The following PPP2R2B variants were observed in gnomAD, a reference collection of about 807,000 sequenced individuals.
PPP2R2B encodes protein phosphatase 2 regulatory subunit Bbeta.
In PPP2R2B, 5 loss-of-function variants were observed where a neutral mutation model predicts 46.0. That is an observed-to-expected ratio of 0.11 (90% CI 0.06 to 0.23). PPP2R2B has a LOEUF of 0.23. Ranked by LOEUF, PPP2R2B falls within the 10% of genes least tolerant of loss-of-function variation. The probability of loss-of-function intolerance (pLI) is 1.00; values close to 1 mark genes in which losing one functional copy is unlikely to be tolerated. For missense variants in PPP2R2B, 367 were observed against 575.0 expected (o/e 0.64, Z 3.70); for synonymous variants, 215 against 206.7 (o/e 1.04, Z -0.34).
chr5:146,697,793 C>T (rs1779268319), intron 4 of PPP2R2B, among the ~76,000 whole-genome samples, 186 bp downstream of exon 4: 1 of 152,134 alleles, frequency 6.6e-6, no homozygotes, highest in South Asian at 2.1e-4. Flanking sequence ...TTTTAAAAAA[C>T]AGTAGTTACT....
At chr5:146,627,905 G>A (rs1019250876) in intron 7 of PPP2R2B, among the ~76,000 whole-genome samples, 4 of 151,982 alleles carry the variant, frequency 2.6e-5, no homozygotes, top group Non-Finnish European at 5.9e-5. Flanking sequence ...ATTGGAACTC[G>A]GGCTGTTTCT....
At chr5:146,976,331 T>A (rs1376348511) in intron 1 of PPP2R2B, among the ~76,000 whole-genome samples, 3 of 151,788 alleles carry the variant, frequency 2.0e-5, no homozygotes, top group African/African-American at 7.3e-5. Context: ...AGAGATGGGT[T>A]TTGCCATGTT....
At chr5:146,692,760 T>C (rs913084911) in intron 4 of PPP2R2B, among the ~76,000 whole-genome samples, 4 of 151,960 alleles carry the variant, frequency 2.6e-5, no homozygotes, top group African/African-American at 9.7e-5. Context: ...GGTCTCGATC[T>C]CCTGACCTCT....
At chr5:147,047,626 C>A (rs1037238394) in intron 1 of PPP2R2B, among the ~76,000 whole-genome samples, 40 of 152,110 alleles carry the variant, frequency 2.6e-4, no homozygotes, top group African/African-American at 8.7e-4. Flanking sequence ...CTGATATATG[C>A]AAAATTTCCC....
intron 1 of PPP2R2B, among the ~76,000 whole-genome samples, chr5:147,025,356 A>G (rs1755475392): frequency 6.6e-6 from 1 of 152,044 alleles, no homozygotes; most frequent in Non-Finnish European, 1.5e-5. Flanking sequence ...AGAAATACCA[A>G]TCTTATGTAA....
chr5:146,699,630 T>G, intron 3 of PPP2R2B, among the ~76,000 whole-genome samples: 1 of 151,606 alleles, frequency 6.6e-6, no homozygotes, highest in South Asian at 2.1e-4. Context: ...GCTCCTCCGG[T>G]TCCTCTTTAT....
chr5:147,046,325 C>T (rs138378823), intron 1 of PPP2R2B, among the ~76,000 whole-genome samples: 314 of 152,284 alleles, frequency 2.1e-3, no homozygotes, highest in African/African-American at 7.2e-3. Flanking sequence ...TACATATCTT[C>T]GAAGTCATAC....
At chr5:146,711,073 TAA>T (rs1780189471) in intron 2 of PPP2R2B, among the ~76,000 whole-genome samples, 2 of 152,356 alleles carry the variant, frequency 1.3e-5, no homozygotes, top group South Asian at 4.1e-4. Flanking sequence ...TTTGCCTTTA[TAA>T]GTTATCACCA....
chr5:147,001,272 A>T (rs911538920), intron 1 of PPP2R2B, among the ~76,000 whole-genome samples: 1 of 152,062 alleles, frequency 6.6e-6, no homozygotes, highest in African/African-American at 2.4e-5. Context: ...TTCACAATAA[A>T]TCTTGCTGCT....
intron 1 of PPP2R2B, among the ~76,000 whole-genome samples, chr5:147,029,041 T>A (rs1755656218): frequency 6.6e-6 from 1 of 152,206 alleles, no homozygotes; most frequent in Non-Finnish European, 1.5e-5. Flanking sequence ...TATAATCTGA[T>A]GTTAAGTCTG....
chr5:147,054,941 A>C (rs973369895), intron 1 of PPP2R2B, among the ~76,000 whole-genome samples: 1 of 152,244 alleles, frequency 6.6e-6, no homozygotes, highest in African/African-American at 2.4e-5. Flanking sequence ...GGAATTCTGC[A>C]GTGCTTAGTT....
chr5:147,071,859 G>T (rs1481584564), intron 2 of PPP2R2B, among the ~76,000 whole-genome samples: 1 of 152,192 alleles, frequency 6.6e-6, no homozygotes, highest in Non-Finnish European at 1.5e-5. Context: ...CATAGTAGGT[G>T]CTCAGTAGAT....
intron 4 of PPP2R2B, among the ~76,000 whole-genome samples, chr5:146,692,277 C>T (rs1192200069): frequency 6.6e-6 from 1 of 152,160 alleles, no homozygotes; most frequent in Non-Finnish European, 1.5e-5. Context: ...ATGTTCCTTT[C>T]CTTTTGCTGC....
intron 1 of PPP2R2B, among the ~76,000 whole-genome samples, chr5:146,929,639 T>TG (rs1419169363): frequency 6.6e-6 from 1 of 152,040 alleles, no homozygotes; most frequent in Non-Finnish European, 1.5e-5. Flanking sequence ...AGGAAAAAAA[T>TG]GGGCTTAATT....
chr5:146,709,843 TGTTA>T (rs1474435201), intron 2 of PPP2R2B, among the ~76,000 whole-genome samples: 5 of 152,228 alleles, frequency 3.3e-5, no homozygotes, highest in East Asian at 1.9e-4. Context: ...TTTAAGCTAC[TGTTA>T]GTAAGTTTTC....
At chr5:146,954,024 T>C (rs1751755379) in intron 1 of PPP2R2B, among the ~76,000 whole-genome samples, 1 of 152,088 alleles carries the variant, frequency 6.6e-6, no homozygotes, top group African/African-American at 2.4e-5. Context: ...GAGGTAGACT[T>C]GGGGGGCAGG....
intron 1 of PPP2R2B, among the ~76,000 whole-genome samples, chr5:146,933,343 A>G (rs1163616128): frequency 6.6e-6 from 1 of 152,150 alleles, no homozygotes. Flanking sequence ...TATCCAGGGA[A>G]CCCAATCCTC....
chr5:146,739,436 G>A lies in PPP2R2B; in HGVS notation c.71-38294C>T, dbSNP rs79305368. On this transcript the variant is annotated intron_variant, in intron 2 of 9. Transcript: ENST00000394411. The stretch of plus-strand genomic sequence containing the variant: ...GCCTGGCCAAAGGGCAAAGGATGGG[G>A]AGGAAAGAATGCCAGGGGTGGGGGA... Among the ~76,000 whole-genome samples the A allele has an allele frequency of 6.6e-3, 1,006 of 152,318 alleles. 7 individuals carry two copies. The highest frequency in any genetic ancestry group is 0.023 in the African/African-American group (939 of 41,564).
intron 2 of PPP2R2B, among the ~76,000 whole-genome samples, chr5:146,781,621 A>G (rs561340272): frequency 5.3e-5 from 8 of 152,236 alleles, no homozygotes; most frequent in East Asian, 1.9e-4. Flanking sequence ...AAAAAAAAAA[A>G]AGAGACAAAA....
Sources: allele counts gnomAD v4.1 joint callset (sites outside exome capture counted in the v4.1 genomes callset), GRCh38; gene constraint gnomAD v4.1.1; transcripts MANE v1.5; gene names NCBI Gene and HGNC (gene_info 2026-07-23, HGNC 2026-07-21).